The following PCBP3 variants were observed in gnomAD, a reference collection of about 807,000 sequenced individuals.
The protein encoded by PCBP3 is poly(rC) binding protein 3.
A neutral mutation model predicts 52.7 loss-of-function variants in PCBP3; 25 were observed. The ratio of observed to expected loss-of-function variants is 0.47; its 90% CI spans 0.35 to 0.66. PCBP3 has a LOEUF of 0.66. Among genes scored for constraint, PCBP3 ranks in the 30% least tolerant of loss-of-function variants. The pLI, the probability that PCBP3 is intolerant of heterozygous loss-of-function variation, is 0.01. For synonymous variants in PCBP3, 162 were observed against 183.0 expected (o/e 0.89, Z 0.93); for missense variants, 391 against 490.3 (o/e 0.80, Z 1.91).
At chr21:45,905,459 CCA>C (rs2096178277) in intron 9 of PCBP3, among the ~76,000 whole-genome samples, 1 of 152,254 alleles carries the variant, frequency 6.6e-6, no homozygotes, top group Non-Finnish European at 1.5e-5. Flanking sequence ...ACTTTCTGCA[CCA>C]CAGAGGACTG....
intron 4 of PCBP3, among the ~76,000 whole-genome samples, chr21:45,784,385 TCTACCTCTACCGCTACCTCTACCG>T (rs796425243): frequency 4.3e-5 from 5 of 116,536 alleles, no homozygotes; most frequent in Middle Eastern, 6.1e-3. Context: ...TACCTCTACC[TCTACCTCTACCGCTACCTCTACCG>T]CTACCGCTAC....
intron 5 of PCBP3, among the ~76,000 whole-genome samples, chr21:45,876,874 C>T (rs535634655): frequency 1.3e-5 from 2 of 152,360 alleles, no homozygotes; most frequent in East Asian, 1.9e-4. Flanking sequence ...GAGCCGCTGG[C>T]TGCGACAGCG....
intron 2 of PCBP3, among the ~76,000 whole-genome samples, chr21:45,669,803 G>GTATATATATATATATA (rs1394969213): frequency 1.8e-5 from 1 of 54,404 alleles, no homozygotes; most frequent in Non-Finnish European, 3.4e-5. Flanking sequence ...GTGTGTGTGT[G>GTATATATATATATATA]TGTATATATA....
chr21:45,747,087 G>T (rs2086962921), intron 3 of PCBP3, among the ~76,000 whole-genome samples: 1 of 152,202 alleles, frequency 6.6e-6, no homozygotes, highest in African/African-American at 2.4e-5. Context: ...AAGAGGTTTA[G>T]GGGACTCAGT....
chr21:45,650,230 T>C (rs1014766617), intron 1 of PCBP3, among the ~76,000 whole-genome samples: 1 of 151,880 alleles, frequency 6.6e-6, no homozygotes, highest in Non-Finnish European at 1.5e-5. Flanking sequence ...CCTAGCTACT[T>C]GGGGGACTGA....
chr21:45,923,616 G>T (rs1462468079), intron 13 of PCBP3, among the ~76,000 whole-genome samples: 1 of 152,212 alleles, frequency 6.6e-6, no homozygotes, highest in East Asian at 1.9e-4. Context: ...TAGTCAGGAG[G>T]CCTGAGAAGG....
At chr21:45,696,796 A>C (rs537991528) in intron 2 of PCBP3, among the ~76,000 whole-genome samples, 1 of 152,074 alleles carries the variant, frequency 6.6e-6, no homozygotes. Flanking sequence ...TCTCAAGAAA[A>C]AAAAAAAAGG....
rs1215803509 is a variant in PCBP3, at chr21:45,724,399, AC to A, written c.-199-10992del. Reference sequence around the variant, plus strand: ...ACAGGGTGGTGCATGGGGGCTGCCCACACTCCCTGCTGCTTTCTGCTCTCTG... The same window carrying A: ...ACAGGGTGGTGCATGGGGGCTGCCCAACTCCCTGCTGCTTTCTGCTCTCTG... On this transcript the variant is annotated intron_variant, in intron 2 of 17. Transcript: ENST00000681687. This position sits in a 1 kb window ranked among gnomAD's most constrained non-coding sequence, Gnocchi z 5.3. Among the ~76,000 whole-genome samples, 9 of 151,796 alleles carry A rather than the reference AC, an allele frequency of 5.9e-5. No homozygotes were observed. The highest frequency in any genetic ancestry group is 1.0e-4 in the Non-Finnish European group (7 of 67,948).
chr21:45,747,976 T>C (rs1340831431), intron 3 of PCBP3: 1 of 152,270 alleles, frequency 6.6e-6, no homozygotes, highest in African/African-American at 2.4e-5. Flanking sequence ...GATGATCATT[T>C]TTCGTGATGA....
intron 12 of PCBP3, 123 bp downstream of exon 12, chr21:45,914,148 T>C (rs1027457161): frequency 1.3e-6 from 2 of 1,521,690 alleles, no homozygotes; most frequent in East Asian, 5.0e-5. Context: ...CCACCCGTGC[T>C]GGAGGCAGAG....
chr21:45,745,935 T>G (rs929200027), intron 3 of PCBP3, among the ~76,000 whole-genome samples: 3 of 151,378 alleles, frequency 2.0e-5, no homozygotes, highest in African/African-American at 7.3e-5. Flanking sequence ...TCCATTGACG[T>G]AGCGCCACAC....
In PCBP3 at chr21:45,735,928, G is replaced by A. The variant is rs1165189470; in HGVS notation, c.-162+499G>A. On this transcript the variant is annotated intron_variant, in intron 3 of 17. Transcript: ENST00000681687. The surrounding 1 kb of genome is among the most constrained non-coding windows in gnomAD (Gnocchi z 4.0). ...CATCTGTGGAAAGGACCTGGCACCG[G>A]CCAGCACACAGAGGCACTCACCTGT... Among the ~76,000 whole-genome samples the A allele has an allele frequency of 6.6e-6, 1 of 152,222 alleles. No individual in the cohort carries two copies. The highest frequency in any genetic ancestry group is 1.5e-5 in the Non-Finnish European group (1 of 68,040).
chr21:45,660,241 A>G lies in PCBP3; in HGVS notation c.-278-8633A>G, dbSNP rs527870118. 8.5e-5 allele frequency among the ~76,000 whole-genome samples: 13 copies of G among 152,194 alleles called. 1 individual carries two copies. The South Asian group carries it at 2.1e-3, about 24-fold the overall frequency. On this transcript the variant is annotated intron_variant, in intron 1 of 17. Coordinates refer to ENST00000681687, the MANE Select transcript of PCBP3 (RefSeq NM_001384156.1). ...TAAAATATTCTTTGTCTGTAATAAC[A>G]ATTTTTGTATTAAAGACCGTTTTTT...
rs372911302 is a variant in PCBP3 at position 45,928,796 on chromosome 21, C to T, written c.718-1121C>T. ...GGTCGCAGGAGTCCACACACAGCCA[C>T]GCTGGGATTTATTTGGGTTGAATGT... On this transcript the variant is annotated intron_variant, in intron 13 of 17. Coordinates refer to ENST00000681687, the MANE Select transcript of PCBP3 (RefSeq NM_001384156.1). This position sits in a 1 kb window ranked among gnomAD's most constrained non-coding sequence, Gnocchi z 4.1. Among the ~76,000 whole-genome samples the T allele has an allele frequency of 7.9e-5, 12 of 152,308 alleles. No individual in the cohort carries two copies. Among genetic ancestry groups the T allele is most frequent in the East Asian group, 1.9e-4 (1 of 5,164 alleles).
intron 1 of PCBP3, among the ~76,000 whole-genome samples, chr21:45,655,082 C>T (rs1238328665): frequency 6.6e-6 from 1 of 151,938 alleles, no homozygotes; most frequent in African/African-American, 2.4e-5. Flanking sequence ...TCAGTTGTAT[C>T]GATATATGGC....
At chr21:45,643,905 G>C (rs899556673) in intron 1 of PCBP3, 37 bp downstream of exon 1, 7 of 148,984 alleles carry the variant, frequency 4.7e-5, no homozygotes, top group Non-Finnish European at 9.0e-5. Flanking sequence ...GGGGTCGGGC[G>C]CCCTTGCGGG....
At chr21:45,866,807 G>A (rs1433513898) in intron 5 of PCBP3, among the ~76,000 whole-genome samples, 1 of 152,104 alleles carries the variant, frequency 6.6e-6, no homozygotes, top group Non-Finnish European at 1.5e-5. Flanking sequence ...CTTCCCTGTG[G>A]TCCTCCTGCC....
intron 12 of PCBP3, chr21:45,915,462 A>G (rs888614741): frequency 6.6e-6 from 1 of 152,214 alleles, no homozygotes. Context: ...TCATGTGGTA[A>G]AAGGTAGGAT....
chr21:45,665,838 AT>A (rs2080760385), intron 1 of PCBP3, among the ~76,000 whole-genome samples: 1 of 152,186 alleles, frequency 6.6e-6, no homozygotes, highest in African/African-American at 2.4e-5. Flanking sequence ...CTAGAGACCA[AT>A]ATCATTGATG....
Sources: gnomAD v4.1 joint callset for allele counts (sites outside exome capture counted in the v4.1 genomes callset) on GRCh38, gnomAD v4.1.1 for gene constraint, Gnocchi (gnomAD v3.1) non-coding constraint, MANE v1.5 for transcripts, NCBI Gene and HGNC (gene_info 2026-07-23, HGNC 2026-07-21) for gene names.